Variants in LRP1B observed in about 807,000 individuals in gnomAD.
LRP1B encodes LDL receptor related protein 1B, also known as low-density lipoprotein receptor-related protein 1B.
In LRP1B, 217 loss-of-function variants were observed where a neutral mutation model predicts 556.6. The ratio of observed to expected loss-of-function variants is 0.39; its 90% CI spans 0.35 to 0.44. The LOEUF (loss-of-function observed/expected upper bound fraction) is 0.44, where lower values mean the gene tolerates loss of function less well. LRP1B is among the 20% of genes least tolerant of loss of function. The pLI is 1.00. For missense variants in LRP1B, 5,053 were observed against 5,620.8 expected (o/e 0.90, Z 3.23); for synonymous variants, 2,047 against 1,865.8 (o/e 1.10, Z -2.50).
chr2:140,426,435 A>ACCT (rs1685656742), intron 66 of LRP1B, among the ~76,000 whole-genome samples: 7 of 152,144 alleles, frequency 4.6e-5, no homozygotes, highest in Admixed American at 1.3e-4. Context: ...ATCCCCTGTG[A>ACCT]CCTGCATTTA....
intron 41 of LRP1B, among the ~76,000 whole-genome samples, chr2:140,637,824 T>C (rs1208898137): frequency 6.6e-6 from 1 of 152,170 alleles, no homozygotes; most frequent in Non-Finnish European, 1.5e-5. Context: ...AAAAACCCAA[T>C]TTAAGAAATA....
chr2:140,614,978 T>C (rs1245487783), intron 41 of LRP1B, among the ~76,000 whole-genome samples: 1 of 152,166 alleles, frequency 6.6e-6, no homozygotes, highest in Non-Finnish European at 1.5e-5. Flanking sequence ...ATTTAGTTTG[T>C]AGTTTAACCT....
intron 87 of LRP1B, among the ~76,000 whole-genome samples, chr2:140,240,871 T>G (rs1433114209): frequency 1.3e-5 from 2 of 151,002 alleles, no homozygotes; most frequent in Admixed American, 6.6e-5. Flanking sequence ...ACCAGCCACT[T>G]AGAACTGTAT....
rs549204116 is a variant in LRP1B at position 142,046,222 on chromosome 2, T to C, written c.82+84426A>G. Among the ~76,000 whole-genome samples, 6 of 152,026 alleles carry C rather than the reference T, an allele frequency of 3.9e-5. No homozygotes were observed. In the East Asian group the frequency reaches 9.7e-4, roughly 25 times the overall value. On this transcript the variant is annotated intron_variant, in intron 1 of 90. Coordinates refer to ENST00000389484, the MANE Select transcript of LRP1B (RefSeq NM_018557.3). Reference sequence around the variant, plus strand: ...TTTTTCAGGGTTGGGGGGCAGTTTCTATAAGACAGTCAAATTAAGTATAGC... The same window carrying C: ...TTTTTCAGGGTTGGGGGGCAGTTTCCATAAGACAGTCAAATTAAGTATAGC...
intron 84 of LRP1B, among the ~76,000 whole-genome samples, chr2:140,291,873 A>C (rs2104988422): frequency 6.6e-6 from 1 of 152,262 alleles, no homozygotes; most frequent in South Asian, 2.1e-4. Context: ...TAGATCACTG[A>C]GGAATCACCA....
At chr2:141,822,126 C>CAGAGAGAGAGAGAGAGAGAGAG (rs1308046198) in intron 1 of LRP1B, among the ~76,000 whole-genome samples, 3 of 114,376 alleles carry the variant, frequency 2.6e-5, no homozygotes, top group South Asian at 3.2e-4. Context: ...CACACACACA[C>CAGAGAGAGAGAGAGAGAGAGAG]ACACAGAGAG....
At chr2:142,130,570 A>G (rs1426167645) in intron 1 of LRP1B, 78 bp downstream of exon 1, 2 of 1,240,490 alleles carry the variant, frequency 1.6e-6, no homozygotes, top group Non-Finnish European at 2.3e-6. Context: ...TAAGTTTCAC[A>G]CTCACTTATC....
intron 52 of LRP1B, among the ~76,000 whole-genome samples, chr2:140,508,589 T>A (rs1321583854): frequency 6.6e-6 from 1 of 152,228 alleles, no homozygotes; most frequent in Non-Finnish European, 1.5e-5. Context: ...TTGCCTGTTG[T>A]AATCAGAGTA....
chr2:141,216,674 T>C (rs570832858), intron 6 of LRP1B, among the ~76,000 whole-genome samples: 1 of 152,310 alleles, frequency 6.6e-6, no homozygotes, highest in South Asian at 2.1e-4. Context: ...TTTGGGAGCT[T>C]ACTCCTTGTA....
At chr2:141,626,541 A>G (rs547663006) in intron 2 of LRP1B, among the ~76,000 whole-genome samples, 1 of 152,308 alleles carries the variant, frequency 6.6e-6, no homozygotes, top group East Asian at 1.9e-4. Context: ...GGGAGAAAAC[A>G]TTTACGAAAG....
At chr2:140,712,522 C>T (rs912517400) in intron 37 of LRP1B, among the ~76,000 whole-genome samples, 7 of 151,894 alleles carry the variant, frequency 4.6e-5, no homozygotes, top group South Asian at 2.1e-4. Flanking sequence ...CTCCCCTTTA[C>T]GTTCATTTCC....
At chr2:141,050,596 G>A (rs1437618390) in intron 10 of LRP1B, among the ~76,000 whole-genome samples, 2 of 151,706 alleles carry the variant, frequency 1.3e-5, no homozygotes, top group South Asian at 2.1e-4. Flanking sequence ...AAACATGCAG[G>A]GTTTGGTTAC....
chr2:141,485,283 C>T (rs1683082706), intron 2 of LRP1B, among the ~76,000 whole-genome samples: 1 of 152,040 alleles, frequency 6.6e-6, no homozygotes, highest in South Asian at 2.1e-4. Flanking sequence ...ATGAACTGTA[C>T]CATAACCAGT....
At chr2:140,903,192 G>A (rs763501556) in intron 22 of LRP1B, 27 bp from the exon 23 acceptor site, 7 of 1,605,674 alleles carry the variant, frequency 4.4e-6, no homozygotes, top group Admixed American at 1.7e-5. Context: ...ACAGATTATA[G>A]GTCTTATCAA....
intron 86 of LRP1B, among the ~76,000 whole-genome samples, chr2:140,250,422 CCTT>C (rs754238294): frequency 1.3e-5 from 2 of 151,734 alleles, no homozygotes; most frequent in South Asian, 2.1e-4. Flanking sequence ...AATTATTTAT[CCTT>C]CTTTATTTAC....
intron 51 of LRP1B, among the ~76,000 whole-genome samples, chr2:140,513,324 C>T (rs1424004020): frequency 6.6e-6 from 1 of 152,058 alleles, no homozygotes; most frequent in Non-Finnish European, 1.5e-5. Flanking sequence ...ACTCAGAAAG[C>T]ACAGTGTTAT....
At chr2:141,505,941 G>C (rs1199119370) in intron 2 of LRP1B, among the ~76,000 whole-genome samples, 1 of 152,048 alleles carries the variant, frequency 6.6e-6, no homozygotes, top group East Asian at 1.9e-4. Context: ...ACTGTCATTA[G>C]TTAAAAGAGA....
chr2:141,020,082 T>C lies in LRP1B; in HGVS notation c.1810A>G (p.Ile604Val), dbSNP rs1412483462. The C allele has an allele frequency of 1.6e-5, 25 of 1,604,734 alleles. No individual in the cohort carries two copies. Among genetic ancestry groups the C allele is most frequent in the Non-Finnish European group, 2.0e-5 (23 of 1,174,698 alleles). The change falls in exon 12 of 91, where the codon ATT (isoleucine) becomes GTT (valine). Residue 604 changes from isoleucine to valine, a missense_variant. Ile to Val is a conservative substitution (Grantham distance 29). Transcript: ENST00000389484. ...LKDDLDNVEG[I>V]AVDWIGNNLY... ...TTATTTCCAATCCAGTCCACAGCAA[T>C]GCCCTCTACATTATCCAGATCTATA...
chr2:141,363,374 C>A (rs1382294525), intron 3 of LRP1B, among the ~76,000 whole-genome samples: 1 of 152,128 alleles, frequency 6.6e-6, no homozygotes, highest in South Asian at 2.1e-4. Context: ...GGCCACGTAA[C>A]TACAAATTTT....
Sources: allele counts gnomAD v4.1 joint callset (sites outside exome capture counted in the v4.1 genomes callset), GRCh38; gene constraint gnomAD v4.1.1; transcripts MANE v1.5; gene names NCBI Gene and HGNC (gene_info 2026-07-23, HGNC 2026-07-21).